Variants in RRM1 observed in about 807,000 individuals in gnomAD.
RRM1 encodes ribonucleoside-diphosphate reductase large subunit.
A neutral mutation model predicts 101.5 loss-of-function variants in RRM1; 19 were observed. The ratio of observed to expected loss-of-function variants is 0.19; its 90% confidence interval spans 0.13 to 0.27. The LOEUF (loss-of-function observed/expected upper bound fraction) is 0.27, where lower values mean the gene tolerates loss of function less well. Ranked by LOEUF, RRM1 falls within the 10% of genes least tolerant of loss-of-function variation. The probability of loss-of-function intolerance (pLI) is 1.00; values close to 1 mark genes in which losing one functional copy is unlikely to be tolerated. For missense variants in RRM1, 500 were observed against 962.9 expected (o/e 0.52, Z 6.36); for synonymous variants, 298 against 323.4 (o/e 0.92, Z 0.84).
intron 1 of RRM1, among the ~76,000 whole-genome samples, chr11:4,099,839 T>G (rs1236088146): frequency 6.6e-6 from 1 of 151,956 alleles, no homozygotes; most frequent in Non-Finnish European, 1.5e-5. Context: ...TATTTTCAAG[T>G]GTGAGTTAAG....
At position 4,124,146 on chromosome 11, in the gene RRM1, A is replaced by T. The variant is rs142767575; in HGVS notation, c.1320+762A>T. ...TGGGGGAAGGGAGATAGAAGGTAGA[A>T]GCTGACACGTCACGGATAGGTAGCC... is the stretch of plus-strand genomic sequence containing the variant. On this transcript the variant is annotated intron_variant, in intron 12 of 18. Transcript: ENST00000300738. Among the ~76,000 whole-genome samples, 5 of 152,294 alleles carry T rather than the reference A, an allele frequency of 3.3e-5. No individual in the cohort carries two copies. In the East Asian group the frequency reaches 7.7e-4, roughly 23 times the overall value.
chr11:4,120,040 A>G, intron 9 of RRM1, 112 bp downstream of exon 9: 1 of 658,052 alleles, frequency 1.5e-6, no homozygotes. Context: ...TTTTACTTGT[A>G]AAATCAATTT....
chr11:4,107,575 C>CT, intron 4 of RRM1, 40 bp downstream of exon 4: 1 of 1,295,370 alleles, frequency 7.7e-7, no homozygotes, highest in South Asian at 1.2e-5. Context: ...TTTTGAGAGT[C>CT]TTTTTTAATA....
At position 4,132,507 on chromosome 11, in the gene RRM1, A is replaced by G; in HGVS notation, c.1905+86A>G. Reference sequence around the variant, plus strand: ...ATGCTCACTCATGTTTAATTTGCCCATTTTCTTAGTTTGGGTGCAAACTTT... The same window carrying G: ...ATGCTCACTCATGTTTAATTTGCCCGTTTTCTTAGTTTGGGTGCAAACTTT... On this transcript the variant is annotated intron_variant, in intron 16 of 18. Coordinates refer to ENST00000300738, the MANE Select transcript of RRM1 (RefSeq NM_001033.5). This position sits in a 1 kb window ranked among gnomAD's most constrained non-coding sequence, Gnocchi z 4.1. 2.1e-6 allele frequency: 3 copies of G among 1,453,744 alleles called. No individual in the cohort carries two copies. Among genetic ancestry groups the G allele is most frequent in the East Asian group, 2.3e-5 (1 of 43,700 alleles). The allele number at this position is 1,453,744 out of a possible 1,614,324, so 90.1% of individuals were successfully genotyped here. A position where few individuals can be genotyped will look rare whatever the true frequency, so the allele number is the denominator to read the frequency against.
At position 4,102,283 on chromosome 11, in the gene RRM1, TATGA is replaced by T. The variant is rs372497727; in HGVS notation, c.108+206_108+209del. Among the ~76,000 whole-genome samples, 66 of 152,348 alleles carry T rather than the reference TATGA, an allele frequency of 4.3e-4. No individual in the cohort carries two copies. The East Asian group carries it at 0.012, about 28-fold the overall frequency. ...TGTGAGTTCTCACTTTTCAGAGAAC[TATGA>T]ATGTGAGTAAAGAGGAAAATTTGAT... On this transcript the variant is annotated intron_variant, in intron 2 of 18. Transcript: ENST00000300738.
chr11:4,101,923 T>G (rs755081422), intron 1 of RRM1, 70 bp from the exon 2 acceptor site: 88 of 816,822 alleles, frequency 1.1e-4, no homozygotes, highest in Non-Finnish European at 1.6e-4. Context: ...TACATTTGAT[T>G]CTTTGACATT....
At chr11:4,134,831 T>A (rs2094606225) in intron 17 of RRM1, among the ~76,000 whole-genome samples, 1 of 152,176 alleles carries the variant, frequency 6.6e-6, no homozygotes, top group Admixed American at 6.5e-5. Flanking sequence ...AAAAATTGGT[T>A]TATGACCAAC....
intron 6 of RRM1, 29 bp downstream of exon 6, chr11:4,111,669 A>G: frequency 6.4e-7 from 1 of 1,556,776 alleles, no homozygotes; most frequent in Non-Finnish European, 8.8e-7. Context: ...TGTCTGTTAC[A>G]TTTTCTACTC....
intron 9 of RRM1, among the ~76,000 whole-genome samples, chr11:4,121,030 G>GAACA (rs769092664): frequency 6.6e-6 from 1 of 152,022 alleles, no homozygotes; most frequent in East Asian, 1.9e-4. Context: ...AAACAAAACA[G>GAACA]AACAAACAAA....
rs1357344646 is a variant in RRM1, at chr11:4,111,590, T to C, written c.448-11T>C. The C allele has an allele frequency of 6.3e-7, 1 of 1,590,896 alleles. No homozygotes were observed. The highest frequency in any genetic ancestry group is 8.6e-7 in the Non-Finnish European group (1 of 1,167,850). ...TGCTCTGAAAATTTTTTGTTGTTTC[T>C]CTCTTTCTAGACGCTAGAGCGGTCT... On this transcript the variant is annotated splice_polypyrimidine_tract_variant and intron_variant, in intron 5 of 18. Coordinates refer to ENST00000300738, the MANE Select transcript of RRM1 (RefSeq NM_001033.5).
intron 1 of RRM1, among the ~76,000 whole-genome samples, chr11:4,100,871 G>A (rs1590710673): frequency 6.6e-6 from 1 of 152,142 alleles, no homozygotes; most frequent in Admixed American, 6.6e-5. Flanking sequence ...TTTGTGGCTT[G>A]TCTAAGGTTA....
intron 7 of RRM1, among the ~76,000 whole-genome samples, chr11:4,113,978 T>G (rs1289963590): frequency 1.3e-5 from 2 of 150,980 alleles, no homozygotes; most frequent in African/African-American, 4.9e-5. Context: ...AATATAGATA[T>G]AAAAAAACTA....
At chr11:4,112,096 C>T (rs1216860064) in intron 7 of RRM1, 34 bp downstream of exon 7, 1 of 1,533,668 alleles carries the variant, frequency 6.5e-7, no homozygotes, top group Non-Finnish European at 8.9e-7. Flanking sequence ...ACGCCTTGAC[C>T]TGAAGAAACT....
At position 4,123,300 on chromosome 11, in the gene RRM1, T is replaced by C. The variant is rs1306567661; in HGVS notation, c.1236T>C (p.Asn412=). 3 of 1,614,046 alleles carry C rather than the reference T, an allele frequency of 1.9e-6. No individual in the cohort carries two copies. Among genetic ancestry groups the C allele is most frequent in the Non-Finnish European group, 2.5e-6 (3 of 1,180,002 alleles). Residue 412 remains asparagine, a synonymous_variant, in exon 12 of 19, where the codon AAT becomes AAC. Transcript: ENST00000300738. ...ATATGCTCTACAAAGATTCCTGTAA[T>C]CGAAAGAGCAACCAGCAGAACCTGG... ...TPYMLYKDSC[N]RKSNQQNLGT...
rs552485748 is a variant in RRM1 at position 4,108,547 on chromosome 11, G to A, written c.387+1012G>A. 6.1e-4 allele frequency among the ~76,000 whole-genome samples: 81 copies of A among 132,868 alleles called. 1 individual carries two copies. Among genetic ancestry groups the A allele is most frequent in the Admixed American group, 3.6e-3 (39 of 10,876 alleles). The allele number at this position is 132,868 out of a possible 152,430, so 87.2% of individuals were successfully genotyped here. A position where few individuals can be genotyped will look rare whatever the true frequency, so the allele number is the denominator to read the frequency against. Reference sequence around the variant, plus strand: ...CGGGAGGCGGAGCTTGCAGTGAGCCGAGATTGGGCCACTGCACTCCAGCCT... The same window carrying A: ...CGGGAGGCGGAGCTTGCAGTGAGCCAAGATTGGGCCACTGCACTCCAGCCT... On this transcript the variant is annotated intron_variant, in intron 4 of 18. Transcript: ENST00000300738.
intron 2 of RRM1, among the ~76,000 whole-genome samples, chr11:4,103,986 C>T (rs11030948): frequency 0.043 from 6,384 of 149,736 alleles, 267 homozygotes; most frequent in East Asian, 0.18. Context: ...GGTGTGGTGG[C>T]GCATACCAGT....
In RRM1 at chr11:4,118,370, C is replaced by G. The variant is rs1308634317; in HGVS notation, c.701C>G (p.Thr234Ser). Residue 234 changes from threonine to serine, a missense_variant, in exon 8 of 19, where the codon ACT (threonine) becomes AGT (serine). By Grantham distance (58) the Thr-to-Ser change is moderately conservative (BLOSUM62 1). Around this residue, in one of 9 missense-constraint regions of RRM1, gnomAD observed 111 missense variants for 219.8 expected, o/e 0.51. Coordinates refer to ENST00000300738, the MANE Select transcript of RRM1 (RefSeq NM_001033.5). ...GACAGCATTGAAGGCATTTATGACA[C>G]TCTAAAGCAATGTGCATTGATTTCT... ...KDDSIEGIYD[T>S]LKQCALISKS... 8 of 1,613,750 alleles carry G rather than the reference C, an allele frequency of 5.0e-6. No individual in the cohort carries two copies.
intron 3 of RRM1, among the ~76,000 whole-genome samples, chr11:4,106,759 A>G (rs2094558838): frequency 6.6e-6 from 1 of 152,100 alleles, no homozygotes; most frequent in Admixed American, 6.5e-5. Flanking sequence ...TAAATAAATA[A>G]ATAAATAAAT....
At chr11:4,126,313 T>C (rs945913324) in intron 12 of RRM1, among the ~76,000 whole-genome samples, 1 of 152,232 alleles carries the variant, frequency 6.6e-6, no homozygotes, top group Non-Finnish European at 1.5e-5. Context: ...TAAATAGATA[T>C]ATGTAGCCAG....
Sources: allele counts gnomAD v4.1 joint callset (sites outside exome capture counted in the v4.1 genomes callset), GRCh38; gene constraint gnomAD v4.1.1; regional missense constraint gnomAD v4.1.1; non-coding constraint Gnocchi (gnomAD v3.1); transcripts MANE v1.5; gene names NCBI Gene and HGNC (gene_info 2026-07-23, HGNC 2026-07-21).